The following LSAMP variants were observed in gnomAD, a reference collection of about 807,000 sequenced individuals.
LSAMP encodes limbic system-associated membrane protein.
A neutral mutation model predicts 38.6 loss-of-function variants in LSAMP; 7 were observed. The ratio of observed to expected loss-of-function variants is 0.18; its 90% confidence interval spans 0.10 to 0.34. The LOEUF (loss-of-function observed/expected upper bound fraction) is 0.34. Ranked by LOEUF, LSAMP falls within the 10% of genes least tolerant of loss-of-function variation. LSAMP has a pLI of 1.00. For missense variants in LSAMP, 313 were observed against 420.0 expected (o/e 0.75, Z 2.23); for synonymous variants, 154 against 166.8 (o/e 0.92, Z 0.59).
chr3:116,302,554 T>C (rs191936962), intron 1 of LSAMP, among the ~76,000 whole-genome samples: 1 of 152,362 alleles, frequency 6.6e-6, no homozygotes, highest in African/African-American at 2.4e-5. Flanking sequence ...AGGTAGTTCA[T>C]AACTTTTTGT....
chr3:116,221,513 GAGAT>G (rs1236774346), intron 1 of LSAMP, among the ~76,000 whole-genome samples: 1 of 152,176 alleles, frequency 6.6e-6, no homozygotes, highest in Non-Finnish European at 1.5e-5. Flanking sequence ...TCTGTAAAGT[GAGAT>G]AGATTGTCTA....
chr3:116,238,731 C>A (rs2046495810), intron 1 of LSAMP, among the ~76,000 whole-genome samples: 1 of 152,140 alleles, frequency 6.6e-6, no homozygotes, highest in African/African-American at 2.4e-5. Flanking sequence ...TCCATCTGCC[C>A]CTCCTCTAAA....
intron 1 of LSAMP, among the ~76,000 whole-genome samples, chr3:116,280,441 AT>A (rs2047113752): frequency 6.6e-6 from 1 of 152,148 alleles, no homozygotes; most frequent in African/African-American, 2.4e-5. Context: ...GGCGACTGAG[AT>A]TTTCAATTGA....
rs532331304 is a variant in LSAMP at position 115,939,775 on chromosome 3, G to A, written c.514+79740C>T. On this transcript the variant is annotated intron_variant, in intron 3 of 6. Transcript: ENST00000490035. ...GGTTCTTGCTAGCTCTTCCAGGCTT[G>A]TCTTGAACTCCTGGGCTCAAACGAT... Among the ~76,000 whole-genome samples, 3 of 152,098 alleles carry A rather than the reference G, an allele frequency of 2.0e-5. No individual in the cohort carries two copies. The South Asian group carries it at 6.2e-4, about 32-fold the overall frequency.
intron 2 of LSAMP, among the ~76,000 whole-genome samples, chr3:116,062,842 G>A (rs1488690160): frequency 2.6e-5 from 4 of 152,102 alleles, no homozygotes; most frequent in African/African-American, 9.6e-5. Context: ...AATTAAGTTG[G>A]GTAACACTGT....
chr3:115,807,713 C>T lies in LSAMP; in HGVS notation c.*2604G>A, dbSNP rs917236058. ...GCCACACACTTAAGTGTGTGACTGC[C>T]TCTTCAATTTTTGGGGAATGCTTAT... On this transcript the variant is annotated 3_prime_UTR_variant, in exon 7 of 7. Transcript: ENST00000490035. 2.0e-5 allele frequency: 3 copies of T among 152,140 alleles called. No homozygotes were observed. The highest frequency in any genetic ancestry group is 2.9e-5 in the Non-Finnish European group (2 of 68,026). The allele number at this position is 152,140 out of a possible 1,614,324, so 9.4% of individuals were successfully genotyped here.
At chr3:116,132,603 G>A (rs368759679) in intron 1 of LSAMP, among the ~76,000 whole-genome samples, 5 of 152,308 alleles carry the variant, frequency 3.3e-5, no homozygotes, top group African/African-American at 4.8e-5. Flanking sequence ...AAGGTGGCGA[G>A]TAGTCTCAGC....
chr3:115,834,667 A>T (rs896936522), intron 6 of LSAMP: 3 of 766,416 alleles, frequency 3.9e-6, no homozygotes, highest in Admixed American at 9.8e-5. Context: ...TCTCATGTTT[A>T]GTTATTCAAA....
chr3:116,420,099 T>A (rs925364598), intron 1 of LSAMP, among the ~76,000 whole-genome samples: 1 of 150,320 alleles, frequency 6.7e-6, no homozygotes, highest in Non-Finnish European at 1.5e-5. Flanking sequence ...TCTTTTTCTT[T>A]TCTTTTTTTT....
At chr3:115,979,030 G>GT (rs1939275123) in intron 3 of LSAMP, among the ~76,000 whole-genome samples, 1 of 152,028 alleles carries the variant, frequency 6.6e-6, no homozygotes, top group Non-Finnish European at 1.5e-5. Flanking sequence ...ATAAAACTGA[G>GT]TTTTATATAT....
chr3:116,365,869 C>T (rs1275793758), intron 1 of LSAMP, among the ~76,000 whole-genome samples: 2 of 55,518 alleles, frequency 3.6e-5, no homozygotes, highest in Admixed American at 2.2e-4. Context: ...GTGGTGGGGT[C>T]GGGGGAGGGG....
chr3:116,420,734 G>T (rs1470996175), intron 1 of LSAMP, among the ~76,000 whole-genome samples: 4 of 151,936 alleles, frequency 2.6e-5, no homozygotes, highest in Admixed American at 6.6e-5. Context: ...AATATTAGCC[G>T]GGCGTGGTGG....
intron 1 of LSAMP, among the ~76,000 whole-genome samples, chr3:116,222,694 C>T (rs570335605): frequency 4.7e-5 from 5 of 106,414 alleles, no homozygotes; most frequent in Non-Finnish European, 9.4e-5. Context: ...GTCTGCTGCT[C>T]TTTTTTGCTC....
intron 1 of LSAMP, among the ~76,000 whole-genome samples, chr3:116,299,421 C>G (rs554109908): frequency 6.6e-6 from 1 of 152,320 alleles, no homozygotes; most frequent in African/African-American, 2.4e-5. Context: ...CTTTCAATAT[C>G]CACTGACTGA....
At chr3:115,919,056 G>T (rs766424056) in intron 3 of LSAMP, among the ~76,000 whole-genome samples, 1 of 152,252 alleles carries the variant, frequency 6.6e-6, no homozygotes, top group East Asian at 1.9e-4. Flanking sequence ...TTCTGCTCTA[G>T]AAGAGTTGAT....
At chr3:116,421,952 T>A (rs2049134190) in intron 1 of LSAMP, among the ~76,000 whole-genome samples, 1 of 152,190 alleles carries the variant, frequency 6.6e-6, no homozygotes, top group South Asian at 2.1e-4. Flanking sequence ...AATGAAAATA[T>A]ATGTTCCCTC....
intron 3 of LSAMP, among the ~76,000 whole-genome samples, chr3:115,904,875 T>C (rs1416878737): frequency 1.3e-5 from 2 of 152,126 alleles, no homozygotes; most frequent in Non-Finnish European, 2.9e-5. Context: ...CTCCTGCCTT[T>C]CAAAACTAGG....
At chr3:115,981,430 A>G (rs1347915793) in intron 3 of LSAMP, among the ~76,000 whole-genome samples, 2 of 152,220 alleles carry the variant, frequency 1.3e-5, no homozygotes, top group Non-Finnish European at 2.9e-5. Flanking sequence ...TCTTTAAAAA[A>G]AAAACTGTAT....
chr3:115,888,349 C>T (rs1212161368), intron 3 of LSAMP, among the ~76,000 whole-genome samples: 2 of 151,866 alleles, frequency 1.3e-5, no homozygotes, highest in East Asian at 3.9e-4. Flanking sequence ...CACCCCAGGC[C>T]TTTTCTTTTG....
Sources: allele counts gnomAD v4.1 joint callset (sites outside exome capture counted in the v4.1 genomes callset), GRCh38; gene constraint gnomAD v4.1.1; transcripts MANE v1.5; gene names NCBI Gene and HGNC (gene_info 2026-07-23, HGNC 2026-07-21).